RAD51D: variants seen among roughly 807,000 people sequenced by gnomAD.
The protein encoded by RAD51D is DNA repair protein RAD51 homolog 4.
In RAD51D, 38 loss-of-function variants were observed where a neutral mutation model predicts 44.1. The ratio of observed to expected loss-of-function variants is 0.86; its 90% CI spans 0.67 to 1.13. The LOEUF is 1.13. Ranked by LOEUF, RAD51D falls within the 50% of genes most tolerant of loss-of-function variation. The pLI, the probability that RAD51D is intolerant of heterozygous loss-of-function variation, is 0.00. For missense variants in RAD51D, 390 were observed against 414.0 expected, an observed-to-expected ratio of 0.94 and a Z score of 0.50; for synonymous variants, 141 against 166.6, an observed-to-expected ratio of 0.85 and a Z score of 1.18.
chr17:35,109,702 T>C (rs1027365327), intron 3 of RAD51D, among the ~76,000 whole-genome samples: 34 of 152,074 alleles, frequency 2.2e-4, no homozygotes, highest in Non-Finnish European at 4.6e-4. Context: ...AGTTTCACTC[T>C]TGTTGCCCAG....
intron 5 of RAD51D, 63 bp from the exon 6 acceptor site, chr17:35,106,544 G>T: frequency 7.9e-7 from 1 of 1,272,652 alleles, no homozygotes; most frequent in Non-Finnish European, 1.1e-6. Context: ...GTCAAGGTAA[G>T]GCTGAGAAGG....
intron 3 of RAD51D, among the ~76,000 whole-genome samples, chr17:35,115,705 T>TAA (rs2091727978): frequency 6.6e-6 from 1 of 151,716 alleles, no homozygotes; most frequent in Non-Finnish European, 1.5e-5. Context: ...CCATCTCTAC[T>TAA]AAAAATACAA....
chr17:35,119,067 T>C (rs1388290039), intron 2 of RAD51D, 44 bp downstream of exon 2: 54 of 1,584,882 alleles, frequency 3.4e-5, no homozygotes, highest in Non-Finnish European at 4.3e-5. Flanking sequence ...GATGGACTTT[T>C]TAAAAAGACA....
chr17:35,117,301 T>C (rs2091761932), intron 3 of RAD51D, among the ~76,000 whole-genome samples: 1 of 152,134 alleles, frequency 6.6e-6, no homozygotes, highest in Non-Finnish European at 1.5e-5. Context: ...AGCACCACAC[T>C]GCATGAACCC....
In RAD51D at chr17:35,112,531, C is replaced by T. The variant is rs1259144501; in HGVS notation, c.264-5084G>A. 2.6e-5 allele frequency among the ~76,000 whole-genome samples: 4 copies of T among 152,280 alleles called. No individual in the cohort carries two copies. In the East Asian group the frequency reaches 7.7e-4, roughly 29 times the overall value. On this transcript the variant is annotated intron_variant, in intron 3 of 9. Coordinates refer to ENST00000345365, the MANE Select transcript of RAD51D (RefSeq NM_002878.4). ...TGGCTGGGATTACAACCACCCACCACCACGCCCAGCTAATTTTTGTATTTC... is the reference window on the plus strand; with the variant it reads ...TGGCTGGGATTACAACCACCCACCATCACGCCCAGCTAATTTTTGTATTTC...
Position 35,100,639 on chromosome 17 carries a change from C to A in RAD51D, c.*314G>T. 1.8e-6 allele frequency: 1 copy of A among 560,738 alleles called. No individual in the cohort carries two copies. Among genetic ancestry groups the A allele is most frequent in the Non-Finnish European group, 3.3e-6 (1 of 299,178 alleles). The allele number at this position is 560,738 out of a possible 1,614,324, so 34.7% of individuals were successfully genotyped here. On this transcript the variant is annotated 3_prime_UTR_variant, in exon 10 of 10. Coordinates refer to ENST00000345365, the MANE Select transcript of RAD51D (RefSeq NM_002878.4). ...TGATGCACAGGATTATCCATCCAGT[C>A]GCCAGCATGCCTCATCAGAGATGCT... is the stretch of plus-strand genomic sequence containing the variant.
At chr17:35,102,970 T>G (rs968580263) in intron 8 of RAD51D, among the ~76,000 whole-genome samples, 1 of 152,200 alleles carries the variant, frequency 6.6e-6, no homozygotes. Flanking sequence ...CTATATCCAT[T>G]AGTCAAACTT....
Position 35,106,979 on chromosome 17 carries a change from T to G in RAD51D, c.480+9A>C, listed in dbSNP as rs2142431942. The G allele has an allele frequency of 6.2e-7, 1 of 1,614,226 alleles. No individual in the cohort carries two copies. Among genetic ancestry groups the G allele is most frequent in the African/African-American group, 1.3e-5 (1 of 75,056 alleles). On this transcript the variant is annotated intron_variant, in intron 5 of 9. Coordinates refer to ENST00000345365, the MANE Select transcript of RAD51D (RefSeq NM_002878.4). The stretch of plus-strand genomic sequence containing the variant: ...AGAATCTCAATGGAACCCAGCATCC[T>G]GCCCTTACCTGTTCCTCCTCATCCT...
intron 3 of RAD51D, chr17:35,116,750 T>C (rs1461187913): frequency 2.4e-6 from 2 of 822,408 alleles, no homozygotes; most frequent in Non-Finnish European, 4.0e-6. Context: ...CACCTCAGCC[T>C]CCCAAAGTGC....
Position 35,119,145 on chromosome 17 carries a change from T to A in RAD51D, c.110A>T (p.Glu37Val). The A allele has an allele frequency of 6.2e-7, 1 of 1,614,020 alleles. No homozygotes were observed. The highest frequency in any genetic ancestry group is 8.5e-7 in the Non-Finnish European group (1 of 1,179,876). The change falls in exon 2 of 10, where the codon GAA becomes GTA. Residue 37 changes from glutamate (E) to valine (V), a missense_variant. Coordinates refer to ENST00000345365, the MANE Select transcript of RAD51D (RefSeq NM_002878.4). ...TVVDLVSADL[E>V]EVAQKCGLSY... is the part of the protein sequence containing the mutation. ...CAAGCCACATTTCTGAGCTACCTCT[T>A]CCAGGTCTGCAGAAACCAGGTCCAC...
intron 3 of RAD51D, among the ~76,000 whole-genome samples, chr17:35,111,367 AAGAG>A (rs993312616): frequency 1.3e-5 from 2 of 151,288 alleles, no homozygotes; most frequent in Non-Finnish European, 1.5e-5. Flanking sequence ...AAAAAAAAAA[AAGAG>A]AGAGAGAGAA....
Position 35,093,611 on chromosome 17 carries a change from G to C in RAD51D, c.*7342C>G, listed in dbSNP as rs1483309357. ...CTCCAAGACTGAAGGGTAACCCAGT[G>C]AGGTCTTTCATAAAGAGCAGCTACG... On this transcript the variant is annotated 3_prime_UTR_variant, in exon 10 of 10. Coordinates refer to ENST00000345365, the MANE Select transcript of RAD51D (RefSeq NM_002878.4). The C allele has an allele frequency of 1.3e-5, 2 of 152,168 alleles. No individual in the cohort carries two copies. The highest frequency in any genetic ancestry group is 3.8e-4 in the East Asian group (2 of 5,204). The allele number at this position is 152,168 out of a possible 1,614,324, so 9.4% of individuals were successfully genotyped here.
chr17:35,107,805 A>G (rs2091627046), intron 3 of RAD51D, among the ~76,000 whole-genome samples: 1 of 120,076 alleles, frequency 8.3e-6, no homozygotes, highest in South Asian at 2.8e-4. Flanking sequence ...GGAGTGCTGG[A>G]GTGCAGTGGC....
At chr17:35,113,566 G>A in intron 3 of RAD51D, 1 of 445,148 alleles carries the variant, frequency 2.2e-6, no homozygotes, top group Non-Finnish European at 4.5e-6. Context: ...ACCGTGCCTG[G>A]CCCCCAACCA....
Position 35,095,537 on chromosome 17 carries a change from C to G in RAD51D, c.*5416G>C, listed in dbSNP as rs2091481520. 6.6e-6 allele frequency: 1 copy of G among 151,976 alleles called. No homozygotes were observed. The highest frequency in any genetic ancestry group is 1.5e-5 in the Non-Finnish European group (1 of 68,062). 9.4% of individuals were successfully genotyped at this position (151,976 alleles called of 1,614,324 possible). A position where few individuals can be genotyped will look rare whatever the true frequency, so the allele number is the denominator to read the frequency against. On this transcript the variant is annotated 3_prime_UTR_variant, in exon 10 of 10. Coordinates refer to ENST00000345365, the MANE Select transcript of RAD51D (RefSeq NM_002878.4). Reference sequence around the variant, plus strand: ...AGTCACAGTGGGTCATGCCTATAATCCCAGTTCTTTGGGAGGCTGAGGCAG... The same window carrying G: ...AGTCACAGTGGGTCATGCCTATAATGCCAGTTCTTTGGGAGGCTGAGGCAG...
chr17:35,103,676 T>A lies in RAD51D; in HGVS notation c.577-132A>T. The A allele has an allele frequency of 1.4e-6, 1 of 712,016 alleles. No individual in the cohort carries two copies. The highest frequency in any genetic ancestry group is 2.5e-6 in the Non-Finnish European group (1 of 394,000). 44.1% of individuals were successfully genotyped at this position (712,016 alleles called of 1,614,324 possible). On this transcript the variant is annotated intron_variant, in intron 6 of 9. Transcript: ENST00000345365. The surrounding 1 kb of genome is among the most constrained non-coding windows in gnomAD (Gnocchi z 4.1). The stretch of plus-strand genomic sequence containing the variant: ...CCAAATACAGCAAGCTGCACGGGCA[T>A]CACAGAATGTCATCAGCAGCAATGT...
intron 3 of RAD51D, chr17:35,113,430 G>A (rs932820984): frequency 8.4e-6 from 2 of 239,280 alleles, no homozygotes; most frequent in South Asian, 3.5e-5. Flanking sequence ...CACCACGCCT[G>A]GCTAATTTTT....
rs539394505 is a variant in RAD51D, at chr17:35,119,272, G to A, written c.83-100C>T. On this transcript the variant is annotated intron_variant, in intron 1 of 9. Coordinates refer to ENST00000345365, the MANE Select transcript of RAD51D (RefSeq NM_002878.4). ...AAATGGGGTGTCAATTCTACCCCCC[G>A]GCAGGCCGTCTCAGGAGGCCAGTGT... is the stretch of plus-strand genomic sequence containing the variant. The A allele has an allele frequency of 4.9e-5, 58 of 1,179,410 alleles. No homozygotes were observed. In the African/African-American group the frequency reaches 5.1e-4, roughly 10 times the overall value. The allele number at this position is 1,179,410 out of a possible 1,614,324, so 73.1% of individuals were successfully genotyped here. A position where few individuals can be genotyped will look rare whatever the true frequency, so the allele number is the denominator to read the frequency against.
At chr17:35,111,342 G>A (rs1310743090) in intron 3 of RAD51D, among the ~76,000 whole-genome samples, 2 of 120,922 alleles carry the variant, frequency 1.7e-5, no homozygotes, top group African/African-American at 3.6e-5. Context: ...CAACAAGAGC[G>A]AAACTCCATC....
Sources: allele counts gnomAD v4.1 joint callset (sites outside exome capture counted in the v4.1 genomes callset), GRCh38; gene constraint gnomAD v4.1.1; non-coding constraint Gnocchi (gnomAD v3.1); transcripts MANE v1.5; gene names NCBI Gene and HGNC (gene_info 2026-07-23, HGNC 2026-07-21).